Variants in QTMAN observed in about 807,000 individuals in gnomAD.
QTMAN encodes tRNA-queuosine alpha-mannosyltransferase.
At chr2:144,034,356 ATTAT>A in the QTMAN span, among the ~76,000 whole-genome samples, 1 of 152,160 alleles carries the variant, frequency 6.6e-6, no homozygotes, top group Non-Finnish European at 1.5e-5. Context: ...CGCACTTGTT[ATTAT>A]TTGTCTGCCT....
chr2:144,145,614 T>C, the QTMAN span: 1 of 1,610,302 alleles, frequency 6.2e-7, no homozygotes. Context: ...ATCCCTCTCC[T>C]GACATTTCTT....
the QTMAN span, among the ~76,000 whole-genome samples, chr2:144,107,276 T>A: frequency 1.3e-5 from 2 of 151,582 alleles, no homozygotes; most frequent in Non-Finnish European, 2.9e-5. Context: ...CTGAAGGAAA[T>A]AGAGACACAA....
At chr2:144,298,419 A>G in the QTMAN span, among the ~76,000 whole-genome samples, 1 of 152,216 alleles carries the variant, frequency 6.6e-6, no homozygotes, top group Non-Finnish European at 1.5e-5. Context: ...TAAATACAAT[A>G]TATACCGTGG....
At chr2:143,960,160 C>T in the QTMAN span, among the ~76,000 whole-genome samples, 1 of 152,050 alleles carries the variant, frequency 6.6e-6, no homozygotes, top group Non-Finnish European at 1.5e-5. Context: ...TGGGTCATAT[C>T]AGGTTGTGTC....
At chr2:143,988,243 T>C in the QTMAN span, among the ~76,000 whole-genome samples, 1 of 152,174 alleles carries the variant, frequency 6.6e-6, no homozygotes, top group Non-Finnish European at 1.5e-5. Flanking sequence ...CAGCATGACA[T>C]AGGTGGTGCT....
chr2:144,190,873 T>C, the QTMAN span, among the ~76,000 whole-genome samples: 2 of 152,154 alleles, frequency 1.3e-5, no homozygotes, highest in East Asian at 1.9e-4. Flanking sequence ...AAGCAGACCA[T>C]GTAAATTTGC....
chr2:144,321,992 T>C, the QTMAN span, among the ~76,000 whole-genome samples: 1 of 152,316 alleles, frequency 6.6e-6, no homozygotes, highest in Non-Finnish European at 1.5e-5. Context: ...CCATTAACTG[T>C]ATCTCAATTT....
At chr2:144,181,454 A>G in the QTMAN span, among the ~76,000 whole-genome samples, 6 of 152,204 alleles carry the variant, frequency 3.9e-5, no homozygotes, top group Non-Finnish European at 8.8e-5. Context: ...ATGTATTTAC[A>G]TAAAACTAAG....
the QTMAN span, among the ~76,000 whole-genome samples, chr2:144,020,598 A>G: frequency 6.6e-6 from 1 of 152,208 alleles, no homozygotes; most frequent in Non-Finnish European, 1.5e-5. Flanking sequence ...GTAAACATTC[A>G]TGCCTAGATA....
chr2:144,001,339 T>C, the QTMAN span, among the ~76,000 whole-genome samples: 1 of 151,988 alleles, frequency 6.6e-6, no homozygotes, highest in Admixed American at 6.6e-5. Context: ...GTACATGTTT[T>C]ACTTCAGTGA....
At chr2:144,318,575 C>T in the QTMAN span, among the ~76,000 whole-genome samples, 1 of 152,290 alleles carries the variant, frequency 6.6e-6, no homozygotes, top group Non-Finnish European at 1.5e-5. Flanking sequence ...TAGATGTGTG[C>T]AACTTCCACT....
the QTMAN span, among the ~76,000 whole-genome samples, chr2:144,084,311 GT>G: frequency 6.6e-6 from 1 of 152,170 alleles, no homozygotes; most frequent in Non-Finnish European, 1.5e-5. Context: ...TAAGCAAATT[GT>G]TTAACTATTT....
the QTMAN span, among the ~76,000 whole-genome samples, chr2:144,009,856 A>C: frequency 6.6e-6 from 1 of 152,184 alleles, no homozygotes; most frequent in East Asian, 1.9e-4. Context: ...TGATCACCAG[A>C]AAAGGTAAAA....
chr2:144,178,959 G>A, the QTMAN span: 2 of 468,826 alleles, frequency 4.3e-6, no homozygotes, highest in African/African-American at 4.0e-5. Context: ...ATTTCTGATT[G>A]CCTGGTAAAA....
At chr2:144,188,165 A>AT in the QTMAN span, among the ~76,000 whole-genome samples, 3 of 152,242 alleles carry the variant, frequency 2.0e-5, no homozygotes, top group African/African-American at 7.2e-5. Flanking sequence ...TAGGAAACTA[A>AT]TACAGATGGT....
At chr2:144,248,688 A>G in the QTMAN span, among the ~76,000 whole-genome samples, 20 of 152,150 alleles carry the variant, frequency 1.3e-4, no homozygotes, top group Non-Finnish European at 2.1e-4. Flanking sequence ...GTGCTTCTGA[A>G]GACAATCCCC....
chr2:144,164,008 C>T, the QTMAN span, among the ~76,000 whole-genome samples: 11 of 152,082 alleles, frequency 7.2e-5, no homozygotes, highest in Non-Finnish European at 1.2e-4. Context: ...ACTGCACCTC[C>T]GCCTCCTGAG....
At chr2:144,062,711 GA>G in the QTMAN span, among the ~76,000 whole-genome samples, 8 of 152,102 alleles carry the variant, frequency 5.3e-5, no homozygotes, top group Admixed American at 5.2e-4. Flanking sequence ...TAACTACCAT[GA>G]AAAAATTACA....
At chr2:144,110,139 C>T in the QTMAN span, among the ~76,000 whole-genome samples, 1 of 152,130 alleles carries the variant, frequency 6.6e-6, no homozygotes, top group African/African-American at 2.4e-5. Flanking sequence ...TTGGAACCAA[C>T]CCAGATGTCC....
Sources: gnomAD v4.1 joint callset for allele counts (sites outside exome capture counted in the v4.1 genomes callset) on GRCh38, gnomAD v4.1.1 for gene constraint, MANE v1.5 for transcripts, NCBI Gene and HGNC (gene_info 2026-07-23, HGNC 2026-07-21) for gene names.